Variants in GPAT3 observed in about 807,000 individuals in gnomAD.
The protein encoded by GPAT3 is glycerol-3-phosphate acyltransferase 3, also known as 1-AGP acyltransferase 9.
Under a neutral mutation model 58.8 loss-of-function variants are expected in GPAT3, and 53 were observed. The ratio of observed to expected loss-of-function variants is 0.90; its 90% CI spans 0.72 to 1.13. GPAT3 has a LOEUF of 1.13. Among genes scored for constraint, GPAT3 ranks in the 50% most tolerant of loss-of-function variants. GPAT3 has a pLI of 0.00. For synonymous variants in GPAT3, 197 were observed against 187.4 expected (o/e 1.05, Z -0.42); for missense variants, 511 against 527.6 (o/e 0.97, Z 0.31).
At chr4:83,581,903 C>G in intron 3 of GPAT3, 71 bp downstream of exon 3, 1 of 1,533,976 alleles carries the variant, frequency 6.5e-7, no homozygotes, top group Non-Finnish European at 8.8e-7. Context: ...TACATAATGG[C>G]CACGTAAGTG....
rs1560621486 is a variant in GPAT3, at chr4:83,579,084, TTC to T, written c.209-2477_209-2476del. ...TTTCTTTCTTTCTTTCTTTCTTCCC[TTC>T]CTTCCTTCCTTCCTTCCTTCCTTCC... On this transcript the variant is annotated intron_variant, in intron 2 of 11. Transcript: ENST00000264409. Among the ~76,000 whole-genome samples, 22 of 62,288 alleles carry T rather than the reference TTC, an allele frequency of 3.5e-4. 1 individual carries two copies. Among genetic ancestry groups the T allele is most frequent in the South Asian group, 8.2e-4 (1 of 1,214 alleles). 40.9% of individuals were successfully genotyped at this position (62,288 alleles called of 152,430 possible).
At chr4:83,551,743 G>A (rs891978480) in intron 2 of GPAT3, among the ~76,000 whole-genome samples, 1 of 142,074 alleles carries the variant, frequency 7.0e-6, no homozygotes. Context: ...AGTGAGCCGA[G>A]ATTGCACCAC....
chr4:83,597,461 G>T lies in GPAT3; in HGVS notation c.942G>T (p.Met314Ile). The change falls in exon 9 of 12, where the codon ATG becomes ATT. Residue 314 changes from methionine to isoleucine, a missense_variant. Transcript: ENST00000264409. ...GCATCAACAATACTTCAGTCATGAT[G>T]TTTAAAAAGGGGAGCTTTGAAATTG... ...GTCINNTSVM[M>I]FKKGSFEIGG... 1 of 1,574,750 alleles carries T rather than the reference G, an allele frequency of 6.4e-7. No homozygotes were observed. Among genetic ancestry groups the T allele is most frequent in the Admixed American group, 1.7e-5 (1 of 58,002 alleles).
chr4:83,604,946 T>A lies in GPAT3; in HGVS notation c.*179T>A, dbSNP rs368910027. 59 of 559,928 alleles carry A rather than the reference T, an allele frequency of 1.1e-4. No individual in the cohort carries two copies. Among genetic ancestry groups the A allele is most frequent in the African/African-American group, 9.1e-4 (48 of 52,692 alleles). 34.7% of individuals were successfully genotyped at this position (559,928 alleles called of 1,614,324 possible). On this transcript the variant is annotated 3_prime_UTR_variant, in exon 12 of 12. Transcript: ENST00000264409. ...AGGTGCCCTTTTTGGCTTTTGTTGTTGTTGTAACATTAGCCCCATGGATTG... is the reference window on the plus strand; with the variant it reads ...AGGTGCCCTTTTTGGCTTTTGTTGTAGTTGTAACATTAGCCCCATGGATTG...
At chr4:83,592,539 T>C (rs2110106030) in intron 6 of GPAT3, among the ~76,000 whole-genome samples, 1 of 152,374 alleles carries the variant, frequency 6.6e-6, no homozygotes, top group Non-Finnish European at 1.5e-5. Context: ...GATGTTTTGA[T>C]AGATGTATAC....
At chr4:83,536,107 C>T, upstream of GPAT3, 1 of 985,638 alleles carries the variant, frequency 1.0e-6, no homozygotes, top group Non-Finnish European at 1.2e-6. Context: ...CGAGCGCAGC[C>T]AGCTTCCAGC....
intron 11 of GPAT3, among the ~76,000 whole-genome samples, chr4:83,599,820 G>A (rs1273996281): frequency 2.6e-5 from 4 of 152,088 alleles, no homozygotes; most frequent in African/African-American, 9.7e-5. Flanking sequence ...AAGTGCCCTA[G>A]TAAATTCCTA....
chr4:83,555,993 C>T (rs1724926006), intron 2 of GPAT3, among the ~76,000 whole-genome samples: 1 of 152,108 alleles, frequency 6.6e-6, no homozygotes, highest in African/African-American at 2.4e-5. Context: ...TATATAGTCA[C>T]TTACCAGGAA....
intron 2 of GPAT3, among the ~76,000 whole-genome samples, chr4:83,566,064 G>A (rs115896100): frequency 7.9e-5 from 12 of 152,150 alleles, no homozygotes; most frequent in South Asian, 4.1e-4. Flanking sequence ...GTGGAATGCC[G>A]CCGAGCTGTT....
intron 6 of GPAT3, among the ~76,000 whole-genome samples, chr4:83,593,593 A>G (rs1726694042): frequency 6.6e-6 from 1 of 152,154 alleles, no homozygotes; most frequent in African/African-American, 2.4e-5. Flanking sequence ...CCTGTTTCCC[A>G]ACAATATCAA....
At chr4:83,560,116 C>T (rs60920630) in intron 2 of GPAT3, among the ~76,000 whole-genome samples, 2,995 of 152,294 alleles carry the variant, frequency 0.02, 103 homozygotes, top group African/African-American at 0.065. Flanking sequence ...TTTCCTGCTT[C>T]TCTTCCTCAA....
chr4:83,565,628 T>C (rs911481475), intron 2 of GPAT3, among the ~76,000 whole-genome samples: 7 of 152,168 alleles, frequency 4.6e-5, no homozygotes, highest in African/African-American at 1.7e-4. Flanking sequence ...CCCTAGTAGC[T>C]GGGATTACAG....
chr4:83,571,723 C>CAT (rs764627532), intron 2 of GPAT3, among the ~76,000 whole-genome samples: 75 of 100,878 alleles, frequency 7.4e-4, no homozygotes, highest in Middle Eastern at 6.0e-3. Context: ...TATACACACA[C>CAT]ATATATATAT....
chr4:83,562,696 A>T (rs974858466), intron 2 of GPAT3, among the ~76,000 whole-genome samples: 1 of 152,198 alleles, frequency 6.6e-6, no homozygotes, highest in African/African-American at 2.4e-5. Flanking sequence ...AGAAAAATTC[A>T]TAGAAAAAGG....
chr4:83,591,437 A>G (rs1249386561), intron 6 of GPAT3, among the ~76,000 whole-genome samples: 1 of 152,188 alleles, frequency 6.6e-6, no homozygotes, highest in Non-Finnish European at 1.5e-5. Flanking sequence ...TGAATCTAAG[A>G]AAGCGTTAGC....
At chr4:83,561,418 G>A (rs1399438058) in intron 2 of GPAT3, among the ~76,000 whole-genome samples, 2 of 151,950 alleles carry the variant, frequency 1.3e-5, no homozygotes, top group East Asian at 3.9e-4. Flanking sequence ...TATTAAGTTG[G>A]TATCTGTCAG....
rs764445956 is a variant in GPAT3, at chr4:83,555,190, G to T, written c.208+10588G>T. 7.9e-4 allele frequency among the ~76,000 whole-genome samples: 120 copies of T among 152,070 alleles called. 1 individual carries two copies. The highest frequency in any genetic ancestry group is 5.8e-3 in the Admixed American group (88 of 15,260). ...CTCCCTCTCCCTTTCCTGTCACATAGGTCCTAAAACCTTTGGCATCTCTGC... is the reference window on the plus strand; with the variant it reads ...CTCCCTCTCCCTTTCCTGTCACATATGTCCTAAAACCTTTGGCATCTCTGC... On this transcript the variant is annotated intron_variant, in intron 2 of 11. Coordinates refer to ENST00000264409, the MANE Select transcript of GPAT3 (RefSeq NM_032717.5).
chr4:83,597,453 G>C lies in GPAT3; in HGVS notation c.934G>C (p.Val312Leu). Residue 312 changes from valine (V) to leucine (L), a missense_variant, in exon 9 of 12, where the codon GTC becomes CTC. Transcript: ENST00000264409. ...PEGTCINNTS[V>L]MMFKKGSFEI... ...AGGAACTTGCATCAACAATACTTCA[G>C]TCATGATGTTTAAAAAGGGGAGCTT... is the stretch of plus-strand genomic sequence containing the variant. 1 of 1,573,876 alleles carries C rather than the reference G, an allele frequency of 6.4e-7. No individual in the cohort carries two copies. The highest frequency in any genetic ancestry group is 1.8e-4 in the Middle Eastern group (1 of 5,614).
At chr4:83,557,472 T>C (rs1276663908) in intron 2 of GPAT3, among the ~76,000 whole-genome samples, 1 of 152,166 alleles carries the variant, frequency 6.6e-6, no homozygotes, top group Non-Finnish European at 1.5e-5. Context: ...AGCATTGTCT[T>C]GGGCCACACA....
Sources: allele counts gnomAD v4.1 joint callset (sites outside exome capture counted in the v4.1 genomes callset), GRCh38; gene constraint gnomAD v4.1.1; transcripts MANE v1.5; gene names NCBI Gene and HGNC (gene_info 2026-07-23, HGNC 2026-07-21).